The following SLC17A2 variants were observed in gnomAD, a reference collection of about 807,000 sequenced individuals.
The protein encoded by SLC17A2 is sodium-dependent phosphate transport protein 3.
A neutral mutation model predicts 52.1 loss-of-function variants in SLC17A2; 38 were observed. The ratio of observed to expected loss-of-function variants is 0.73; its 90% CI spans 0.56 to 0.96. The LOEUF (loss-of-function observed/expected upper bound fraction) is 0.96, where lower values mean the gene tolerates loss of function less well. SLC17A2 is among the 40% of genes least tolerant of loss of function. SLC17A2 has a pLI of 0.00. For missense variants in SLC17A2, 508 were observed against 583.9 expected, an observed-to-expected ratio of 0.87 and a Z score of 1.34; for synonymous variants, 226 against 211.9, an observed-to-expected ratio of 1.07 and a Z score of -0.58.
rs1766166423 is a variant in SLC17A2, at chr6:25,913,195, G to A, written c.*122C>T. ...CAGTGTCTTATAAAGGCTCCCCAGGGAAGACTAACACACAGCCAGAGTTAA... is the reference window on the plus strand; with the variant it reads ...CAGTGTCTTATAAAGGCTCCCCAGGAAAGACTAACACACAGCCAGAGTTAA... On this transcript the variant is annotated 3_prime_UTR_variant, in exon 12 of 12. Transcript: ENST00000377850. 23 of 1,045,566 alleles carry A rather than the reference G, an allele frequency of 2.2e-5. No homozygotes were observed. In the East Asian group the frequency reaches 4.8e-4, roughly 22 times the overall value. 64.8% of individuals were successfully genotyped at this position (1,045,566 alleles called of 1,614,324 possible).
In SLC17A2 at chr6:25,915,599, A is replaced by T. The variant is rs750151605; in HGVS notation, c.1111T>A (p.Ser371Thr). The change falls in exon 10 of 12, where the codon TCC becomes ACC. Residue 371 changes from serine (S) to threonine (T), a missense_variant. Transcript: ENST00000377850. ...AAAATAATGGTTATCACGTAACTGG[A>T]GGCCACAAAGGGCAGGGCCACAGCA... The part of the protein sequence containing the change: ...ICAVALPFVA[S>T]SYVITIILLI... 10 of 1,613,478 alleles carry T rather than the reference A, an allele frequency of 6.2e-6. No individual in the cohort carries two copies. Among genetic ancestry groups the T allele is most frequent in the Non-Finnish European group, 8.5e-6 (10 of 1,179,710 alleles).
In SLC17A2 at chr6:25,915,658, G is replaced by C; in HGVS notation, c.1064-12C>G. ...TGGAAGGAGGAGCCCTGGGCAATGA[G>C]GACATGCTGTCAGGGAACCCTCTGA... On this transcript the variant is annotated splice_polypyrimidine_tract_variant and intron_variant, in intron 9 of 11. Coordinates refer to ENST00000377850, the MANE Select transcript of SLC17A2 (RefSeq NM_001286123.3). 2 of 1,613,668 alleles carry C rather than the reference G, an allele frequency of 1.2e-6. No individual in the cohort carries two copies. The highest frequency in any genetic ancestry group is 1.7e-4 in the Middle Eastern group (1 of 6,050).
At chr6:25,922,950 C>T (rs1234217386) in intron 3 of SLC17A2, among the ~76,000 whole-genome samples, 1 of 152,126 alleles carries the variant, frequency 6.6e-6, no homozygotes, top group Non-Finnish European at 1.5e-5. Context: ...AATCCCAACA[C>T]TTTGGGAGGC....
chr6:25,914,635 A>G lies in SLC17A2; in HGVS notation c.1247T>C (p.Phe416Ser). Reference sequence around the variant, plus strand: ...AGAGATGATTCCTGCGATGAGCCCAAATCCCCTTGAGATTCCCATGAGGAA... The same window carrying G: ...AGAGATGATTCCTGCGATGAGCCCAGATCCCCTTGAGATTCCCATGAGGAA... ...ASFLMGISRGFGLIAGIISST... is the reference protein window; with the variant it reads ...ASFLMGISRGSGLIAGIISST... Residue 416 changes from phenylalanine to serine, a missense_variant, in exon 11 of 12, where the codon TTT (phenylalanine) becomes TCT (serine). Physicochemically the swap from Phe to Ser is radical, Grantham distance 155. Transcript: ENST00000377850. 6.2e-7 allele frequency: 1 copy of G among 1,613,000 alleles called. No individual in the cohort carries two copies. Among genetic ancestry groups the G allele is most frequent in the Non-Finnish European group, 8.5e-7 (1 of 1,178,960 alleles).
intron 1 of SLC17A2, among the ~76,000 whole-genome samples, chr6:25,927,342 G>A (rs548874894): frequency 1.8e-4 from 27 of 152,262 alleles, no homozygotes; most frequent in African/African-American, 6.5e-4. Flanking sequence ...TGTGATGGAA[G>A]CTATTTTAAA....
chr6:25,924,802 C>T (rs1458965410), intron 2 of SLC17A2, among the ~76,000 whole-genome samples: 1 of 110,778 alleles, frequency 9.0e-6, no homozygotes. Context: ...GAATGAGACT[C>T]AATCTCAAAA....
rs752959174 is a variant in SLC17A2 at position 25,916,791 on chromosome 6, AG to A, written c.823del (p.Leu275PhefsTer19). 5.6e-6 allele frequency: 9 copies of A among 1,614,148 alleles called. No individual in the cohort carries two copies. The highest frequency in any genetic ancestry group is 7.6e-6 in the Non-Finnish European group (9 of 1,180,010). On this transcript the variant is annotated frameshift_variant, in exon 8 of 12. Coordinates refer to ENST00000377850, the MANE Select transcript of SLC17A2 (RefSeq NM_001286123.3). LOFTEE classifies it high-confidence loss of function. ...PIKAMVTCLP[L>X]WAIFLGFFSH... ...GAAAAAACCCAGGAAAATGGCCCAA[AG>A]TGGTAGGCATGTGACCATCGCCTTT... is the stretch of plus-strand genomic sequence containing the variant.
rs747177435 is a variant in SLC17A2, at chr6:25,926,205, C to T, written c.-83-326G>A. Among the ~76,000 whole-genome samples, 23 of 152,060 alleles carry T rather than the reference C, an allele frequency of 1.5e-4. 1 individual carries two copies. The highest frequency in any genetic ancestry group is 3.2e-4 in the Non-Finnish European group (22 of 67,996). ...CTTTATCAAACCACAGAGAAGCATG[C>T]GAAGGTGAAGAGTGGTATTGCTTGT... On this transcript the variant is annotated intron_variant, in intron 1 of 11. Coordinates refer to ENST00000377850, the MANE Select transcript of SLC17A2 (RefSeq NM_001286123.3).
chr6:25,917,631 T>C (rs1224957515), intron 6 of SLC17A2, among the ~76,000 whole-genome samples: 1 of 152,212 alleles, frequency 6.6e-6, no homozygotes, highest in African/African-American at 2.4e-5. Flanking sequence ...CCAAAATAAT[T>C]AGCATCATTA....
chr6:25,925,725 T>G, intron 2 of SLC17A2, 44 bp downstream of exon 2: 1 of 1,576,720 alleles, frequency 6.3e-7, no homozygotes. Flanking sequence ...CGGAATAAGC[T>G]TCAGCTTATT....
At chr6:25,928,872 G>T (rs1766854555) in intron 1 of SLC17A2, among the ~76,000 whole-genome samples, 1 of 151,890 alleles carries the variant, frequency 6.6e-6, no homozygotes, top group Admixed American at 6.6e-5. Context: ...TGCCAAAGTT[G>T]TAAGTAGACA....
intron 10 of SLC17A2, among the ~76,000 whole-genome samples, chr6:25,914,993 C>A (rs917971460): frequency 6.6e-6 from 1 of 151,552 alleles, no homozygotes; most frequent in Non-Finnish European, 1.5e-5. Context: ...CTGGCTCTGC[C>A]TTTATGTGAC....
intron 11 of SLC17A2, among the ~76,000 whole-genome samples, chr6:25,913,780 T>TTTTTTTTG (rs1554137624): frequency 2.0e-5 from 3 of 149,488 alleles, no homozygotes; most frequent in East Asian, 2.0e-4. Context: ...TCTGTTTTTT[T>TTTTTTTTG]TTGTTGTTGT....
rs763335115 is a variant in SLC17A2 at position 25,913,387 on chromosome 6, A to C, written c.1367T>G (p.Val456Gly). ...LSAAVNMFGLVFYLTFGQAEL... is the reference protein window; with the variant it reads ...LSAAVNMFGLGFYLTFGQAEL... ...TGCTTGTCCAAACGTGAGGTAAAAG[A>C]CCAGGCCAAACATGTTGACTGCAGC... The change falls in exon 12 of 12, where the codon GTC becomes GGC. Residue 456 changes from valine to glycine, a missense_variant. Val to Gly is a moderately radical substitution (Grantham distance 109). Coordinates refer to ENST00000377850, the MANE Select transcript of SLC17A2 (RefSeq NM_001286123.3). 1.9e-6 allele frequency: 3 copies of C among 1,614,132 alleles called. No homozygotes were observed. Among genetic ancestry groups the C allele is most frequent in the Non-Finnish European group, 1.7e-6 (2 of 1,179,974 alleles).
intron 3 of SLC17A2, among the ~76,000 whole-genome samples, chr6:25,922,495 C>A (rs958542219): frequency 4.6e-5 from 7 of 152,292 alleles, no homozygotes; most frequent in South Asian, 2.1e-4. Context: ...TCTGAAGGAA[C>A]ACAGCATGTC....
chr6:25,921,016 A>C lies in SLC17A2; in HGVS notation c.552T>G (p.Ile184Met), dbSNP rs199582450. Residue 184 changes from isoleucine (I) to methionine (M), a missense_variant, in exon 5 of 12, where the codon ATT becomes ATG. Transcript: ENST00000377850. ...TCTGTGCACACTTACCTGATCCTGC[A>C]ATGGTGGTGAGCTTGCTTCGTTCAA... ...PPLERSKLTTIAGSGSAFGSF... is the reference protein window; with the variant it reads ...PPLERSKLTTMAGSGSAFGSF... 4.2e-5 allele frequency: 67 copies of C among 1,614,084 alleles called. No homozygotes were observed. The highest frequency in any genetic ancestry group is 5.1e-6 in the Non-Finnish European group (6 of 1,180,032).
chr6:25,918,804 A>G (rs560541128), intron 5 of SLC17A2, among the ~76,000 whole-genome samples: 4 of 152,236 alleles, frequency 2.6e-5, no homozygotes, highest in Non-Finnish European at 5.9e-5. Context: ...CTCAACACCA[A>G]TGTGACCAAA....
intron 11 of SLC17A2, 78 bp downstream of exon 11, chr6:25,914,502 A>T: frequency 1.1e-6 from 1 of 901,238 alleles, no homozygotes; most frequent in Non-Finnish European, 1.8e-6. Flanking sequence ...TGCCATCCAG[A>T]TCTTTAGAGC....
intron 2 of SLC17A2, among the ~76,000 whole-genome samples, chr6:25,924,466 T>G (rs757822519): frequency 3.3e-5 from 5 of 152,052 alleles, no homozygotes; most frequent in Non-Finnish European, 7.4e-5. Context: ...GGAAATGTTA[T>G]TGCTATGTGT....
Sources: gnomAD v4.1 joint callset for allele counts (sites outside exome capture counted in the v4.1 genomes callset) on GRCh38, gnomAD v4.1.1 for gene constraint, MANE v1.5 for transcripts, NCBI Gene and HGNC (gene_info 2026-07-23, HGNC 2026-07-21) for gene names.